ELMO1: variants seen among roughly 807,000 people sequenced by gnomAD.
The protein encoded by ELMO1 is engulfment and cell motility 1.
ELMO1 carries 26 observed loss-of-function variants against 98.9 expected under a neutral mutation model. That is an observed-to-expected ratio of 0.26 (90% CI 0.19 to 0.36). ELMO1 has a LOEUF of 0.36. Ranked by LOEUF, ELMO1 falls within the 10% of genes least tolerant of loss-of-function variation. ELMO1 has a pLI of 1.00. For synonymous variants in ELMO1, 346 were observed against 346.0 expected (o/e 1.00, Z 0.00); for missense variants, 627 against 935.2 (o/e 0.67, Z 4.30).
chr7:37,346,782 T>C (rs1801029555), intron 1 of ELMO1, among the ~76,000 whole-genome samples: 1 of 152,214 alleles, frequency 6.6e-6, no homozygotes, highest in African/African-American at 2.4e-5. Flanking sequence ...CCCCCACCTC[T>C]ACATAAAATT....
intron 15 of ELMO1, among the ~76,000 whole-genome samples, chr7:37,074,130 T>A (rs1797431109): frequency 6.7e-6 from 1 of 148,168 alleles, no homozygotes; most frequent in Non-Finnish European, 1.5e-5. Flanking sequence ...TAAATATATT[T>A]ATATATCAAT....
intron 16 of ELMO1, among the ~76,000 whole-genome samples, chr7:37,010,407 TC>T (rs1339810915): frequency 6.6e-6 from 1 of 152,206 alleles, no homozygotes; most frequent in African/African-American, 2.4e-5. Context: ...AAGGTTATTA[TC>T]AGCCAACTTT....
intron 1 of ELMO1, among the ~76,000 whole-genome samples, chr7:37,405,899 G>A (rs1341341812): frequency 1.3e-5 from 2 of 152,214 alleles, no homozygotes; most frequent in African/African-American, 2.4e-5. Context: ...AGCTGACCAC[G>A]AGAGCATGGG....
At chr7:36,952,075 C>T (rs779476603) in intron 16 of ELMO1, among the ~76,000 whole-genome samples, 18 of 152,288 alleles carry the variant, frequency 1.2e-4, no homozygotes, top group Admixed American at 2.0e-4. Flanking sequence ...TGTCCCCAGA[C>T]GGAGGGGGCA....
At chr7:37,247,405 C>A (rs1006338523) in intron 6 of ELMO1, among the ~76,000 whole-genome samples, 1 of 152,134 alleles carries the variant, frequency 6.6e-6, no homozygotes. Flanking sequence ...TAGGGTTACA[C>A]CAGGCCATCT....
chr7:37,128,241 C>T (rs1313565167), intron 14 of ELMO1, among the ~76,000 whole-genome samples: 1 of 151,942 alleles, frequency 6.6e-6, no homozygotes, highest in African/African-American at 2.4e-5. Context: ...AAAAGAAAAA[C>T]AAAACATCTA....
intron 1 of ELMO1, among the ~76,000 whole-genome samples, chr7:37,381,578 G>T (rs1252241887): frequency 1.3e-5 from 2 of 152,232 alleles, no homozygotes; most frequent in Non-Finnish European, 2.9e-5. Flanking sequence ...GTGGTTTCAT[G>T]ATGGAATGTA....
chr7:37,002,940 G>T (rs1792784654), intron 16 of ELMO1, among the ~76,000 whole-genome samples: 1 of 152,194 alleles, frequency 6.6e-6, no homozygotes, highest in African/African-American at 2.4e-5. Context: ...CAACTCAGGG[G>T]CATCTGAGTG....
At chr7:37,197,943 C>T (rs1199032318) in intron 13 of ELMO1, among the ~76,000 whole-genome samples, 1 of 152,132 alleles carries the variant, frequency 6.6e-6, no homozygotes, top group Non-Finnish European at 1.5e-5. Flanking sequence ...CAAAGGGTAT[C>T]GTGGATGGAG....
rs898220950 is a variant in ELMO1 at position 36,960,912 on chromosome 7, C to T, written c.1437+52387G>A. On this transcript the variant is annotated intron_variant, in intron 16 of 21. Coordinates refer to ENST00000310758, the MANE Select transcript of ELMO1 (RefSeq NM_014800.11). Reference sequence around the variant, plus strand: ...CCAACATAAGCAACCACTTTTCTGCCGCACTTGGGGTTTCTCTTTGTTCAA... The same window carrying T: ...CCAACATAAGCAACCACTTTTCTGCTGCACTTGGGGTTTCTCTTTGTTCAA... 2.6e-5 allele frequency among the ~76,000 whole-genome samples: 4 copies of T among 152,164 alleles called. No individual in the cohort carries two copies. In the South Asian group the frequency reaches 6.2e-4, roughly 24 times the overall value.
intron 15 of ELMO1, among the ~76,000 whole-genome samples, chr7:37,062,342 A>C (rs1180712065): frequency 6.6e-6 from 1 of 152,198 alleles, no homozygotes; most frequent in East Asian, 1.9e-4. Context: ...AAGCCATGTT[A>C]AGTTCAATAA....
intron 1 of ELMO1, among the ~76,000 whole-genome samples, chr7:37,404,742 T>C (rs577133144): frequency 6.6e-5 from 10 of 152,344 alleles, no homozygotes; most frequent in South Asian, 4.1e-4. Context: ...AAAAGTTTCC[T>C]GGATCTTTTT....
chr7:37,134,492 G>A (rs1787134796), intron 13 of ELMO1, among the ~76,000 whole-genome samples: 1 of 150,674 alleles, frequency 6.6e-6, no homozygotes, highest in Non-Finnish European at 1.5e-5. Flanking sequence ...CTGGGAGGCG[G>A]AGGTTGCAGT....
intron 1 of ELMO1, among the ~76,000 whole-genome samples, chr7:37,440,441 CA>C (rs34976721): frequency 0.56 from 70,642 of 126,366 alleles, 17,920 homozygotes; most frequent in Middle Eastern, 0.6. Flanking sequence ...GACTCTAGCT[CA>C]AAAAAAAAAA....
chr7:37,169,312 C>T (rs1425406496), intron 13 of ELMO1, among the ~76,000 whole-genome samples: 2 of 152,232 alleles, frequency 1.3e-5, no homozygotes, highest in East Asian at 1.9e-4. Flanking sequence ...CAATGCCTCG[C>T]CCTGCTTCGG....
intron 2 of ELMO1, among the ~76,000 whole-genome samples, chr7:37,333,904 T>A (rs1422532242): frequency 6.6e-6 from 1 of 152,208 alleles, no homozygotes; most frequent in Non-Finnish European, 1.5e-5. Context: ...AGGCTAAGAA[T>A]TTTTAGGACC....
At chr7:37,296,254 C>T (rs1392543924) in intron 4 of ELMO1, among the ~76,000 whole-genome samples, 1 of 152,142 alleles carries the variant, frequency 6.6e-6, no homozygotes, top group East Asian at 1.9e-4. Context: ...GATTACACAA[C>T]CAAGATCCCT....
intron 15 of ELMO1, among the ~76,000 whole-genome samples, chr7:37,058,191 A>C (rs1323681487): frequency 6.6e-6 from 1 of 152,154 alleles, no homozygotes; most frequent in Non-Finnish European, 1.5e-5. Flanking sequence ...GACTCTATCA[A>C]TGCTAAGGTC....
intron 4 of ELMO1, among the ~76,000 whole-genome samples, chr7:37,286,056 C>A (rs201591933): frequency 1.4e-5 from 2 of 139,838 alleles, no homozygotes; most frequent in African/African-American, 2.7e-5. Flanking sequence ...AAAAAAAAAA[C>A]ATTTTTAAAG....
Sources: allele counts gnomAD v4.1 joint callset (sites outside exome capture counted in the v4.1 genomes callset), GRCh38; gene constraint gnomAD v4.1.1; transcripts MANE v1.5; gene names NCBI Gene and HGNC (gene_info 2026-07-23, HGNC 2026-07-21).